The following PRUNE2 variants were observed in gnomAD, a reference collection of about 807,000 sequenced individuals.
PRUNE2 encodes the protein protein prune homolog 2.
A neutral mutation model predicts 252.0 loss-of-function variants in PRUNE2; 164 were observed. The ratio of observed to expected loss-of-function variants is 0.65; its 90% confidence interval spans 0.57 to 0.74. The LOEUF (loss-of-function observed/expected upper bound fraction) is 0.74. PRUNE2 is among the 30% of genes least tolerant of loss of function. The pLI, the probability that PRUNE2 is intolerant of heterozygous loss-of-function variation, is 0.00. For missense variants in PRUNE2, 3,495 were observed against 3,711.0 expected (o/e 0.94, Z 1.51); for synonymous variants, 1,292 against 1,350.2 (o/e 0.96, Z 0.94).
At chr9:76,803,691 T>C (rs1287871251) in intron 6 of PRUNE2, among the ~76,000 whole-genome samples, 1 of 152,180 alleles carries the variant, frequency 6.6e-6, no homozygotes, top group East Asian at 1.9e-4. Context: ...TTTCCCCACC[T>C]GTTCCTTCTA....
intron 9 of PRUNE2, among the ~76,000 whole-genome samples, chr9:76,670,410 G>A (rs2133903083): frequency 6.6e-6 from 1 of 152,146 alleles, no homozygotes; most frequent in South Asian, 2.1e-4. Flanking sequence ...TACACCCACG[G>A]AGTCTCGCTG....
intron 18 of PRUNE2, among the ~76,000 whole-genome samples, chr9:76,616,432 C>G (rs1273229401): frequency 1.3e-5 from 2 of 152,076 alleles, no homozygotes; most frequent in East Asian, 3.9e-4. Flanking sequence ...TTTACTAAAC[C>G]AAAATTTGGG....
At chr9:76,623,450 A>G (rs1389271164) in intron 17 of PRUNE2, among the ~76,000 whole-genome samples, 3 of 152,176 alleles carry the variant, frequency 2.0e-5, no homozygotes, top group East Asian at 3.9e-4. Context: ...GTGCACCACC[A>G]TGCCCAGCTA....
rs1277443617 is a variant in PRUNE2 at position 76,612,839 on chromosome 9, G to A, written c.*1731C>T. ...CCTGTGCAAAGATGTCGACTTTAAA[G>A]TAGTTACAAGCTCCTTCTACCCAGG... On this transcript the variant is annotated 3_prime_UTR_variant, in exon 19 of 19. Transcript: ENST00000376718. 6.6e-6 allele frequency: 1 copy of A among 152,226 alleles called. No homozygotes were observed. Among genetic ancestry groups the A allele is most frequent in the Non-Finnish European group, 1.5e-5 (1 of 68,084 alleles). 9.4% of individuals were successfully genotyped at this position (152,226 alleles called of 1,614,324 possible).
At position 76,731,331 on chromosome 9, in the gene PRUNE2, T is replaced by A. The variant is rs1042021766; in HGVS notation, c.757-17610A>T. Among the ~76,000 whole-genome samples, 21 of 117,106 alleles carry A rather than the reference T, an allele frequency of 1.8e-4. No homozygotes were observed. The East Asian group carries it at 3.8e-3, about 21-fold the overall frequency. 76.8% of individuals were successfully genotyped at this position (117,106 alleles called of 152,430 possible). A position where few individuals can be genotyped will look rare whatever the true frequency, so the allele number is the denominator to read the frequency against. ...CTATCTATATATATATATATTTTTT[T>A]TTTTTTTTTGAGACAGGGTATTGCT... is the stretch of plus-strand genomic sequence containing the variant. On this transcript the variant is annotated intron_variant, in intron 6 of 18. Transcript: ENST00000376718.
At chr9:76,693,437 C>CTGTTTTTTT (rs1340516764) in intron 9 of PRUNE2, among the ~76,000 whole-genome samples, 2 of 79,786 alleles carry the variant, frequency 2.5e-5, no homozygotes, top group South Asian at 9.3e-4. Flanking sequence ...TTAGCACCTA[C>CTGTTTTTTT]TCTTTTTTTT....
At chr9:76,674,935 A>C (rs1415677617) in intron 9 of PRUNE2, among the ~76,000 whole-genome samples, 2 of 47,670 alleles carry the variant, frequency 4.2e-5, no homozygotes, top group Non-Finnish European at 1.4e-4. Flanking sequence ...AAAGACTTAA[A>C]CGTTAGACCT....
At chr9:76,743,075 T>G (rs2049791300) in intron 6 of PRUNE2, among the ~76,000 whole-genome samples, 1 of 152,184 alleles carries the variant, frequency 6.6e-6, no homozygotes, top group Admixed American at 6.5e-5. Context: ...GCTTCCCCCT[T>G]TGCTTGGCTC....
chr9:76,646,535 T>C (rs1337643247), intron 11 of PRUNE2, among the ~76,000 whole-genome samples: 1 of 152,216 alleles, frequency 6.6e-6, no homozygotes, highest in South Asian at 2.1e-4. Context: ...CATAAACCAC[T>C]GGCTTCAGGC....
Position 76,792,922 on chromosome 9 carries a change from ACTT to A in PRUNE2, c.756+30707_756+30709del, listed in dbSNP as rs1470237962. Among the ~76,000 whole-genome samples the A allele has an allele frequency of 2.7e-4, 41 of 152,306 alleles. 1 individual carries two copies. The highest frequency in any genetic ancestry group is 9.9e-4 in the African/African-American group (41 of 41,566). On this transcript the variant is annotated intron_variant, in intron 6 of 18. Transcript: ENST00000376718. ...AGTATTCATGATATGCTAGCAAGGT[ACTT>A]CATTTTAATTACATTTTCTCTAATG...
At chr9:76,623,672 G>A (rs940765434) in intron 17 of PRUNE2, among the ~76,000 whole-genome samples, 1 of 152,150 alleles carries the variant, frequency 6.6e-6, no homozygotes, top group African/African-American at 2.4e-5. Flanking sequence ...TCTGTCCAGT[G>A]GAAAAGACAA....
At chr9:76,872,024 A>G (rs1010978818) in intron 1 of PRUNE2, among the ~76,000 whole-genome samples, 7 of 152,192 alleles carry the variant, frequency 4.6e-5, no homozygotes, top group Admixed American at 1.3e-4. Context: ...AAACACCTGC[A>G]TACATAGAAG....
At chr9:76,622,483 G>A (rs1214177548) in intron 17 of PRUNE2, among the ~76,000 whole-genome samples, 2 of 152,124 alleles carry the variant, frequency 1.3e-5, no homozygotes, top group African/African-American at 4.8e-5. Context: ...AGGTTTGTCT[G>A]AAAAATTATT....
intron 1 of PRUNE2, among the ~76,000 whole-genome samples, chr9:76,897,472 G>GGCAT (rs1436822563): frequency 1.5e-5 from 2 of 134,336 alleles, no homozygotes; most frequent in African/African-American, 5.6e-5. Context: ...GGAGTGCAGA[G>GGCAT]GCATGATCTC....
At chr9:76,763,587 C>T (rs1564243353) in intron 6 of PRUNE2, among the ~76,000 whole-genome samples, 1 of 152,116 alleles carries the variant, frequency 6.6e-6, no homozygotes, top group Non-Finnish European at 1.5e-5. Context: ...GTTTCATATC[C>T]CCCGTCCCCA....
At chr9:76,839,164 A>G (rs748629963) in intron 4 of PRUNE2, among the ~76,000 whole-genome samples, 1 of 152,206 alleles carries the variant, frequency 6.6e-6, no homozygotes, top group Non-Finnish European at 1.5e-5. Flanking sequence ...GTATTATAGC[A>G]TTAACTGAAT....
intron 7 of PRUNE2, among the ~76,000 whole-genome samples, chr9:76,712,085 A>C (rs1211092879): frequency 6.6e-6 from 1 of 152,082 alleles, no homozygotes; most frequent in East Asian, 1.9e-4. Context: ...AGATAAAATT[A>C]ATAATAATAA....
Position 76,638,199 on chromosome 9 carries a change from CCATGACAT to C in PRUNE2, c.8810_8817del (p.Tyr2937Ter). 1.2e-6 allele frequency: 2 copies of C among 1,611,956 alleles called. No homozygotes were observed. The highest frequency in any genetic ancestry group is 1.7e-6 in the Non-Finnish European group (2 of 1,178,160). ...AGTATCACTCACAGGAAAAGATTTT[CCATGACAT>C]AGTGGTAATCCGCCCGACTGCTGTC... On this transcript the variant is annotated frameshift_variant, in exon 13 of 19. Coordinates refer to ENST00000376718, the MANE Select transcript of PRUNE2 (RefSeq NM_015225.3). LOFTEE classifies it high-confidence loss of function.
rs1374101433 is a variant in PRUNE2 at position 76,705,033 on chromosome 9, G to C, written c.7241C>G (p.Ala2414Gly). 1 of 1,613,974 alleles carries C rather than the reference G, an allele frequency of 6.2e-7. No homozygotes were observed. Among genetic ancestry groups the C allele is most frequent in the Non-Finnish European group, 8.5e-7 (1 of 1,179,872 alleles). ...CAGAGATTCATCCTCTGGAGACCCA[G>C]CTTCCTCTATTGTTTCAGCACTCTG... ...PAQSAETIEEAGSPEDESLGC... is the reference protein window; with the variant it reads ...PAQSAETIEEGGSPEDESLGC... The change falls in exon 8 of 19, where the codon GCT (alanine) becomes GGT (glycine). Residue 2414 changes from alanine (A) to glycine (G), a missense_variant. Transcript: ENST00000376718.
Sources: allele counts gnomAD v4.1 joint callset (sites outside exome capture counted in the v4.1 genomes callset), GRCh38; gene constraint gnomAD v4.1.1; transcripts MANE v1.5; gene names NCBI Gene and HGNC (gene_info 2026-07-23, HGNC 2026-07-21).